Variants in TNNI3K observed in about 807,000 individuals in gnomAD.
The protein encoded by TNNI3K is TNNI3 interacting kinase, also known as serine/threonine-protein kinase TNNI3K.
TNNI3K carries 140 observed loss-of-function variants against 114.5 expected under a neutral mutation model. That is an observed-to-expected ratio of 1.22 (90% CI 1.07 to 1.41). The LOEUF (loss-of-function observed/expected upper bound fraction) is 1.41. TNNI3K is among the 40% of genes most tolerant of loss of function. The pLI is 0.00. For missense variants in TNNI3K, 1,125 were observed against 1,007.6 expected, an observed-to-expected ratio of 1.12 and a Z score of -1.58; for synonymous variants, 347 against 347.5, an observed-to-expected ratio of 1.00 and a Z score of 0.02.
intron 11 of TNNI3K, among the ~76,000 whole-genome samples, chr1:74,361,509 A>G (rs370910736): frequency 9.9e-5 from 15 of 152,094 alleles, no homozygotes; most frequent in African/African-American, 3.6e-4. Flanking sequence ...CATTCGTTCA[A>G]CAAAAATGTA....
At chr1:74,396,589 G>A (rs899780777) in intron 17 of TNNI3K, among the ~76,000 whole-genome samples, 4 of 152,166 alleles carry the variant, frequency 2.6e-5, no homozygotes, top group African/African-American at 9.7e-5. Context: ...ATGACCATTT[G>A]GGAGAGACAG....
intron 17 of TNNI3K, among the ~76,000 whole-genome samples, chr1:74,423,032 TGTTTA>T (rs949702466): frequency 6.6e-6 from 1 of 152,160 alleles, no homozygotes; most frequent in African/African-American, 2.4e-5. Flanking sequence ...AGGGTTGAAC[TGTTTA>T]GTCACACATC....
At chr1:74,420,540 A>G (rs1665344330) in intron 17 of TNNI3K, among the ~76,000 whole-genome samples, 1 of 152,120 alleles carries the variant, frequency 6.6e-6, no homozygotes, top group Non-Finnish European at 1.5e-5. Flanking sequence ...CAAAATTATT[A>G]AATACCAACA....
chr1:74,414,504 C>T (rs1665028846), intron 17 of TNNI3K, among the ~76,000 whole-genome samples: 1 of 152,150 alleles, frequency 6.6e-6, no homozygotes, highest in South Asian at 2.1e-4. Flanking sequence ...TGTTGTGCTT[C>T]TCTTGCTATT....
chr1:74,531,819 G>A (rs577890000), intron 23 of TNNI3K, among the ~76,000 whole-genome samples: 10 of 152,278 alleles, frequency 6.6e-5, no homozygotes, highest in Admixed American at 5.2e-4. Flanking sequence ...TGTGCATATG[G>A]CATTGATCCT....
At chr1:74,434,067 G>A (rs1666015870) in intron 17 of TNNI3K, among the ~76,000 whole-genome samples, 1 of 151,576 alleles carries the variant, frequency 6.6e-6, no homozygotes, top group Non-Finnish European at 1.5e-5. Context: ...TCGCACTTTA[G>A]TCATTTGGTA....
At chr1:74,468,372 G>T (rs1015460014) in intron 21 of TNNI3K, 1 of 152,130 alleles carries the variant, frequency 6.6e-6, no homozygotes, top group African/African-American at 2.4e-5. Flanking sequence ...CATGCAAGAA[G>T]TTGGCATAGA....
At chr1:74,347,126 A>C in intron 9 of TNNI3K, among the ~76,000 whole-genome samples, 1 of 144,836 alleles carries the variant, frequency 6.9e-6, no homozygotes, top group Non-Finnish European at 1.5e-5. Context: ...CATTACGTAT[A>C]TCTCCTAATG....
intron 21 of TNNI3K, chr1:74,480,086 C>T (rs778021698): frequency 1.5e-6 from 1 of 652,164 alleles, no homozygotes; most frequent in Admixed American, 2.4e-5. Flanking sequence ...ATAAGCATCA[C>T]TTAGCATGCT....
At position 74,342,959 on chromosome 1, in the gene TNNI3K, A is replaced by C; in HGVS notation, c.800A>C (p.Asn267Thr). 1.2e-6 allele frequency: 2 copies of C among 1,613,930 alleles called. No homozygotes were observed. The highest frequency in any genetic ancestry group is 1.7e-6 in the Non-Finnish European group (2 of 1,179,890). ...TTGGAAGTTCAACCTCATGTTGTTA[A>C]TATCTATGGAGATACCCCCTTACAC... ...SDLEVQPHVV[N>T]IYGDTPLHLA... is the part of the protein sequence containing the mutation. Residue 267 changes from asparagine to threonine, a missense_variant, in exon 8 of 25, where the codon AAT becomes ACT. Asn to Thr is a moderately conservative substitution (Grantham distance 65). Transcript: ENST00000326637.
chr1:74,524,075 C>G (rs942558910), intron 23 of TNNI3K, among the ~76,000 whole-genome samples: 1 of 152,192 alleles, frequency 6.6e-6, no homozygotes, highest in East Asian at 1.9e-4. Flanking sequence ...AAAGCATTGA[C>G]ATTTGTCAAG....
At chr1:74,375,161 T>C (rs1662842439) in intron 17 of TNNI3K, 1 of 157,020 alleles carries the variant, frequency 6.4e-6, no homozygotes, top group Admixed American at 6.1e-5. Flanking sequence ...TTTATTACTC[T>C]TAATTCCTCA....
Position 74,342,948 on chromosome 1 carries a change from T to G in TNNI3K, c.789T>G (p.Pro263=). The change falls in exon 8 of 25, where the codon CCT becomes CCG. Residue 263 remains proline (P), a synonymous_variant. Coordinates refer to ENST00000326637, the MANE Select transcript of TNNI3K (RefSeq NM_015978.3). ...TGCAAAGTGATTTGGAAGTTCAACC[T>G]CATGTTGTTAATATCTATGGAGATA... ...YLLQSDLEVQ[P]HVVNIYGDTP... is the part of the protein sequence containing the mutation. 1 of 1,613,924 alleles carries G rather than the reference T, an allele frequency of 6.2e-7. No individual in the cohort carries two copies. Among genetic ancestry groups the G allele is most frequent in the Non-Finnish European group, 8.5e-7 (1 of 1,179,902 alleles).
chr1:74,368,426 T>C (rs1408619014), intron 13 of TNNI3K, among the ~76,000 whole-genome samples: 1 of 151,938 alleles, frequency 6.6e-6, no homozygotes, highest in Non-Finnish European at 1.5e-5. Flanking sequence ...TAAATATATA[T>C]TTAACTATTT....
intron 17 of TNNI3K, among the ~76,000 whole-genome samples, chr1:74,431,446 T>C (rs1248108273): frequency 6.6e-6 from 1 of 152,106 alleles, no homozygotes; most frequent in Non-Finnish European, 1.5e-5. Flanking sequence ...TCTTTCAGTT[T>C]GCATTTCATT....
At chr1:74,480,203 G>C (rs1299067611) in intron 21 of TNNI3K, 1 of 717,364 alleles carries the variant, frequency 1.4e-6, no homozygotes, top group Non-Finnish European at 2.6e-6. Context: ...TGGGAGGAGG[G>C]GACTTCTGTC....
chr1:74,521,938 T>C (rs1243081721), intron 23 of TNNI3K, among the ~76,000 whole-genome samples: 1 of 152,190 alleles, frequency 6.6e-6, no homozygotes, highest in Non-Finnish European at 1.5e-5. Flanking sequence ...ATTCTGGGGC[T>C]GCATCCAACT....
In TNNI3K at chr1:74,489,228, G is replaced by C. The variant is rs1035914333; in HGVS notation, c.2161G>C (p.Glu721Gln). The C allele has an allele frequency of 2.0e-5, 33 of 1,612,298 alleles. 1 individual carries two copies. In the Middle Eastern group the frequency reaches 8.3e-4, roughly 40 times the overall value. Residue 721 changes from glutamate (E) to glutamine (Q), a missense_variant, in exon 22 of 25, where the codon GAG becomes CAG. Physicochemically the swap from Glu to Gln is conservative, Grantham distance 29. Coordinates refer to ENST00000326637, the MANE Select transcript of TNNI3K (RefSeq NM_015978.3). ...TTCTGAAGTTGTCATGAAGTTAGAA[G>C]AGTGTCTCTGCAACATTGAGGTAAA... ...EFSEVVMKLE[E>Q]CLCNIELMSP...
intron 17 of TNNI3K, among the ~76,000 whole-genome samples, chr1:74,381,221 C>T (rs993055198): frequency 1.3e-4 from 20 of 152,112 alleles, no homozygotes; most frequent in Non-Finnish European, 2.6e-4. Context: ...AACTAATTGA[C>T]GGCATGGGCT....
Sources: allele counts gnomAD v4.1 joint callset (sites outside exome capture counted in the v4.1 genomes callset), GRCh38; gene constraint gnomAD v4.1.1; transcripts MANE v1.5; gene names NCBI Gene and HGNC (gene_info 2026-07-23, HGNC 2026-07-21).